TGFBR3: variants seen among roughly 807,000 people sequenced by gnomAD.
TGFBR3 encodes the protein transforming growth factor beta receptor 3.
In TGFBR3, 46 loss-of-function variants were observed where a neutral mutation model predicts 87.9. The ratio of observed to expected loss-of-function variants is 0.52; its 90% confidence interval spans 0.41 to 0.67. The LOEUF is 0.67. Among genes scored for constraint, TGFBR3 ranks in the 30% least tolerant of loss-of-function variants. The pLI is 0.00. For synonymous variants in TGFBR3, 381 were observed against 391.6 expected (o/e 0.97, Z 0.32); for missense variants, 866 against 1,041.9 (o/e 0.83, Z 2.32).
chr1:91,708,629 G>C (rs1350924702), intron 14 of TGFBR3, 34 bp downstream of exon 14: 1 of 1,613,638 alleles, frequency 6.2e-7, no homozygotes, highest in South Asian at 1.1e-5. Flanking sequence ...CAGAGCTCAG[G>C]CCCCATGCTC....
intron 16 of TGFBR3, among the ~76,000 whole-genome samples, chr1:91,694,708 T>C (rs1671373110): frequency 6.6e-6 from 1 of 152,208 alleles, no homozygotes; most frequent in South Asian, 2.1e-4. Flanking sequence ...TAATGGACAA[T>C]TAATGAAATT....
Position 91,682,873 on chromosome 1 carries a change from T to C in TGFBR3, c.*866A>G, listed in dbSNP as rs1416722027. The C allele has an allele frequency of 2.2e-6, 1 of 452,974 alleles. No homozygotes were observed. Among genetic ancestry groups the C allele is most frequent in the Non-Finnish European group, 4.4e-6 (1 of 225,696 alleles). The allele number at this position is 452,974 out of a possible 1,614,324, so 28.1% of individuals were successfully genotyped here. On this transcript the variant is annotated 3_prime_UTR_variant, in exon 17 of 17. Transcript: ENST00000212355. The stretch of plus-strand genomic sequence containing the variant: ...GCATACACATAGAAATATATCACTG[T>C]GCAAATTCGTCCTTGACTTTATAAC...
upstream of TGFBR3, among the ~76,000 whole-genome samples, chr1:91,889,843 G>GTTGA (rs1340425609): frequency 6.6e-6 from 1 of 151,298 alleles, no homozygotes; most frequent in Non-Finnish European, 1.5e-5. Context: ...ACCATGCCTG[G>GTTGA]TTGATATTTG....
chr1:91,764,317 C>CAAAAGAAAA (rs1674085877), intron 3 of TGFBR3, among the ~76,000 whole-genome samples: 1 of 77,394 alleles, frequency 1.3e-5, no homozygotes, highest in Non-Finnish European at 2.3e-5. Flanking sequence ...ACAAAAGAGA[C>CAAAAGAAAA]AAAAAAAAAA....
At chr1:91,885,788 A>T (rs921238917) in intron 1 of TGFBR3, 90 bp downstream of exon 1, 1 of 213,630 alleles carries the variant, frequency 4.7e-6, no homozygotes, top group Admixed American at 6.4e-5. Flanking sequence ...AGGCACTGGC[A>T]GCCCGCGCCG....
At chr1:91,894,078 C>G (rs1044770356) in intron 2 of TGFBR3, among the ~76,000 whole-genome samples, 11 of 152,120 alleles carry the variant, frequency 7.2e-5, no homozygotes, top group African/African-American at 2.7e-4. Context: ...TTGAACTCAG[C>G]AGATGACCTT....
chr1:91,901,639 TGGG>T (rs1679721870), intron 1 of TGFBR3, among the ~76,000 whole-genome samples: 1 of 151,860 alleles, frequency 6.6e-6, no homozygotes, highest in Non-Finnish European at 1.5e-5. Context: ...ATAAACGTTG[TGGG>T]CCAGGCTCAT....
At chr1:91,759,394 A>AC (rs1483806793) in intron 3 of TGFBR3, among the ~76,000 whole-genome samples, 4 of 151,582 alleles carry the variant, frequency 2.6e-5, no homozygotes, top group African/African-American at 7.3e-5. Context: ...AAAAAAAAAA[A>AC]AAAAAAAAAA....
chr1:91,791,010 A>C (rs1241589553), intron 3 of TGFBR3, among the ~76,000 whole-genome samples: 1 of 152,192 alleles, frequency 6.6e-6, no homozygotes, highest in Non-Finnish European at 1.5e-5. Context: ...TTACATATAG[A>C]TAGGTAGGTA....
intron 2 of TGFBR3, among the ~76,000 whole-genome samples, chr1:91,825,678 T>C (rs1250124174): frequency 2.0e-5 from 3 of 152,238 alleles, no homozygotes; most frequent in Non-Finnish European, 4.4e-5. Context: ...GCAATGAATA[T>C]ACTATCAATA....
At chr1:91,865,716 T>C (rs1006396307) in intron 1 of TGFBR3, among the ~76,000 whole-genome samples, 5 of 151,604 alleles carry the variant, frequency 3.3e-5, no homozygotes, top group African/African-American at 1.2e-4. Flanking sequence ...ATCGAGACCA[T>C]CTTGGCTAAC....
chr1:91,690,187 A>G (rs2100700206), intron 16 of TGFBR3, among the ~76,000 whole-genome samples: 1 of 152,250 alleles, frequency 6.6e-6, no homozygotes, highest in African/African-American at 2.4e-5. Flanking sequence ...ACCTCCCTTG[A>G]ACATATGGCT....
intron 14 of TGFBR3, among the ~76,000 whole-genome samples, chr1:91,708,281 A>C (rs1671861999): frequency 6.6e-6 from 1 of 152,204 alleles, no homozygotes; most frequent in Non-Finnish European, 1.5e-5. Flanking sequence ...TAGCCAGCAT[A>C]AACTTTAGCA....
chr1:91,724,963 C>A (rs1255298914), intron 7 of TGFBR3, among the ~76,000 whole-genome samples: 2 of 152,098 alleles, frequency 1.3e-5, no homozygotes, highest in Admixed American at 1.3e-4. Context: ...GAACAAGCTG[C>A]CCATCATCAA....
intron 2 of TGFBR3, among the ~76,000 whole-genome samples, chr1:91,825,183 A>G (rs1482375269): frequency 1.3e-5 from 2 of 152,286 alleles, no homozygotes; most frequent in African/African-American, 4.8e-5. Context: ...ACTTGCATGT[A>G]TATGAATGCC....
chr1:91,739,154 A>T (rs1673063240), intron 4 of TGFBR3, among the ~76,000 whole-genome samples: 1 of 152,182 alleles, frequency 6.6e-6, no homozygotes, highest in Non-Finnish European at 1.5e-5. Flanking sequence ...GACCGTTGTA[A>T]GGACTATTGA....
At chr1:91,887,635 T>C (rs765653054), upstream of TGFBR3, among the ~76,000 whole-genome samples, 37 of 152,128 alleles carry the variant, frequency 2.4e-4, no homozygotes, top group Non-Finnish European at 4.7e-4. Context: ...TTTGGAAAGT[T>C]ATTGAGAGAA....
At chr1:91,794,371 T>G (rs892473554) in intron 3 of TGFBR3, among the ~76,000 whole-genome samples, 6 of 152,092 alleles carry the variant, frequency 3.9e-5, no homozygotes, top group Non-Finnish European at 8.8e-5. Context: ...GCCAGCTAAT[T>G]TTTGTATTTT....
At chr1:91,780,883 CTA>C (rs1674740496) in intron 3 of TGFBR3, among the ~76,000 whole-genome samples, 1 of 107,124 alleles carries the variant, frequency 9.3e-6, no homozygotes, top group South Asian at 3.5e-4. Context: ...AACTAGAGAA[CTA>C]CACACACACA....
Sources: gnomAD v4.1 joint callset for allele counts (sites outside exome capture counted in the v4.1 genomes callset) on GRCh38, gnomAD v4.1.1 for gene constraint, MANE v1.5 for transcripts, NCBI Gene and HGNC (gene_info 2026-07-23, HGNC 2026-07-21) for gene names.